The following SLIT2 variants were observed in gnomAD, a reference collection of about 807,000 sequenced individuals.
SLIT2 encodes the protein slit guidance ligand 2.
Under a neutral mutation model 185.7 loss-of-function variants are expected in SLIT2, and 41 were observed. The ratio of observed to expected loss-of-function variants is 0.22; its 90% CI spans 0.17 to 0.29. The LOEUF (loss-of-function observed/expected upper bound fraction) is 0.29. Ranked by LOEUF, SLIT2 falls within the 10% of genes least tolerant of loss-of-function variation. The probability of loss-of-function intolerance (pLI) is 1.00; values close to 1 mark genes in which losing one functional copy is unlikely to be tolerated. For synonymous variants in SLIT2, 693 were observed against 680.2 expected (o/e 1.02, Z -0.29); for missense variants, 1,571 against 1,909.0 (o/e 0.82, Z 3.30).
intron 9 of SLIT2, among the ~76,000 whole-genome samples, chr4:20,507,957 T>G (rs994993142): frequency 1.3e-5 from 2 of 151,994 alleles, no homozygotes; most frequent in Non-Finnish European, 2.9e-5. Context: ...AGCTTAAAAT[T>G]TTACTATAAG....
chr4:20,265,957 A>G (rs1025685213), intron 3 of SLIT2, among the ~76,000 whole-genome samples: 2 of 151,914 alleles, frequency 1.3e-5, no homozygotes, highest in African/African-American at 2.4e-5. Flanking sequence ...TTCAGGCCCT[A>G]GCTTTATGTC....
chr4:20,479,318 C>A (rs1179948616), intron 5 of SLIT2, among the ~76,000 whole-genome samples: 1 of 152,106 alleles, frequency 6.6e-6, no homozygotes, highest in Non-Finnish European at 1.5e-5. Context: ...CACCTTTATT[C>A]AGTAGTCTTG....
intron 4 of SLIT2, among the ~76,000 whole-genome samples, chr4:20,403,405 C>A (rs577471238): frequency 3.3e-5 from 5 of 151,838 alleles, no homozygotes; most frequent in Non-Finnish European, 7.4e-5. Context: ...CTTTTTTGAA[C>A]CTCCGTTGCT....
intron 4 of SLIT2, among the ~76,000 whole-genome samples, chr4:20,364,880 G>A (rs1179528563): frequency 6.6e-6 from 1 of 151,996 alleles, no homozygotes; most frequent in Non-Finnish European, 1.5e-5. Context: ...ATTTTTGAAG[G>A]CTCTTTTTAC....
intron 4 of SLIT2, among the ~76,000 whole-genome samples, chr4:20,391,734 T>C (rs182074506): frequency 4.2e-4 from 64 of 152,232 alleles, no homozygotes; most frequent in African/African-American, 1.4e-3. Context: ...ACTTGACTTA[T>C]GTTGTCAGAA....
At chr4:20,472,248 A>ATATATATC (rs1450139711) in intron 5 of SLIT2, among the ~76,000 whole-genome samples, 1 of 38,704 alleles carries the variant, frequency 2.6e-5, no homozygotes, top group Non-Finnish European at 4.6e-5. Flanking sequence ...CTATATATCT[A>ATATATATC]TATATAGATC....
At chr4:20,456,807 A>C (rs1460001140) in intron 4 of SLIT2, among the ~76,000 whole-genome samples, 2 of 152,120 alleles carry the variant, frequency 1.3e-5, no homozygotes, top group South Asian at 2.1e-4. Context: ...ATCAGCCAAG[A>C]CTGAGACTGA....
At chr4:20,491,729 A>G (rs1717796300) in intron 8 of SLIT2, 32 bp from the exon 9 acceptor site, 1 of 1,594,088 alleles carries the variant, frequency 6.3e-7, no homozygotes, top group African/African-American at 1.4e-5. Context: ...ATTCAGGAGG[A>G]AAAATATAAT....
chr4:20,595,811 G>T lies in SLIT2; in HGVS notation c.3297G>T (p.Thr1099=). The change falls in exon 31 of 37, where the codon ACG becomes ACT. Residue 1099 remains threonine, a synonymous_variant. Transcript: ENST00000504154. ...AHCTDAVNGY[T]CICPEGYSGL... is the part of the protein sequence containing the mutation. ...GCACAGATGCAGTGAACGGCTATAC[G>T]TGCATATGCCCCGAAGGTTACAGGT... 1.2e-6 allele frequency: 2 copies of T among 1,614,006 alleles called. No individual in the cohort carries two copies. The highest frequency in any genetic ancestry group is 1.7e-6 in the Non-Finnish European group (2 of 1,179,936).
At chr4:20,337,747 G>A (rs867286092) in intron 4 of SLIT2, among the ~76,000 whole-genome samples, 11 of 152,254 alleles carry the variant, frequency 7.2e-5, no homozygotes, top group Admixed American at 1.3e-4. Context: ...TACATACTGA[G>A]TAAGAAGCAC....
chr4:20,612,302 GC>G (rs1173001321), intron 34 of SLIT2, among the ~76,000 whole-genome samples: 2 of 127,850 alleles, frequency 1.6e-5, no homozygotes, highest in Non-Finnish European at 3.3e-5. Context: ...ACATTCCCCC[GC>G]CCCCCGCCAA....
intron 4 of SLIT2, among the ~76,000 whole-genome samples, chr4:20,402,268 A>T (rs1323737051): frequency 6.6e-6 from 1 of 151,934 alleles, no homozygotes; most frequent in East Asian, 1.9e-4. Flanking sequence ...ACTATTTTTC[A>T]GTTGTTTTCA....
At position 20,620,283 on chromosome 4, in the gene SLIT2, C is replaced by T. The variant is rs954010864; in HGVS notation, c.*1274C>T. 6 of 357,822 alleles carry T rather than the reference C, an allele frequency of 1.7e-5. No homozygotes were observed. The highest frequency in any genetic ancestry group is 2.2e-5 in the Non-Finnish European group (4 of 185,056). 22.2% of individuals were successfully genotyped at this position (357,822 alleles called of 1,614,324 possible). On this transcript the variant is annotated 3_prime_UTR_variant, in exon 37 of 37. Transcript: ENST00000504154. ...CAAGAACTGTGACTTTTCTTTCCCT[C>T]AAACAATAAAACTCCTTTATTATCT... is the stretch of plus-strand genomic sequence containing the variant.
At chr4:20,480,860 C>A in intron 6 of SLIT2, 73 bp downstream of exon 6, 2 of 1,071,860 alleles carry the variant, frequency 1.9e-6, no homozygotes, top group Non-Finnish European at 2.9e-6. Flanking sequence ...GGAAGCTTAT[C>A]TGCTAGCTTA....
At chr4:20,443,244 T>C (rs1729908040) in intron 4 of SLIT2, among the ~76,000 whole-genome samples, 1 of 152,182 alleles carries the variant, frequency 6.6e-6, no homozygotes, top group South Asian at 2.1e-4. Context: ...ATAAAAAGGC[T>C]ACTGGAATTT....
At chr4:20,427,188 C>T (rs1029275380) in intron 4 of SLIT2, among the ~76,000 whole-genome samples, 4 of 152,106 alleles carry the variant, frequency 2.6e-5, no homozygotes, top group Admixed American at 2.0e-4. Context: ...GGTTGTGATC[C>T]GGCCTGAACC....
At chr4:20,444,639 C>A (rs1431936690) in intron 4 of SLIT2, among the ~76,000 whole-genome samples, 1 of 152,176 alleles carries the variant, frequency 6.6e-6, no homozygotes, top group Non-Finnish European at 1.5e-5. Flanking sequence ...TAGCCCAGTG[C>A]AGTATCGGTG....
chr4:20,511,052 A>G lies in SLIT2; in HGVS notation c.987-14A>G, dbSNP rs760547482. 4 of 1,548,568 alleles carry G rather than the reference A, an allele frequency of 2.6e-6. No homozygotes were observed. Among genetic ancestry groups the G allele is most frequent in the Non-Finnish European group, 3.6e-6 (4 of 1,121,400 alleles). ...ATTTGATTGAATGTAACCTAACCCT[A>G]TTTCTAATCTTAGTGACCTGAGCAA... On this transcript the variant is annotated splice_polypyrimidine_tract_variant and intron_variant, in intron 10 of 36. Coordinates refer to ENST00000504154, the MANE Select transcript of SLIT2 (RefSeq NM_004787.4).
chr4:20,539,101 G>A (rs772375006), intron 18 of SLIT2, among the ~76,000 whole-genome samples: 11 of 152,076 alleles, frequency 7.2e-5, no homozygotes, highest in East Asian at 1.9e-4. Context: ...ACAGGGCTCC[G>A]AGGACTCAGA....
Sources: allele counts gnomAD v4.1 joint callset (sites outside exome capture counted in the v4.1 genomes callset), GRCh38; gene constraint gnomAD v4.1.1; transcripts MANE v1.5; gene names NCBI Gene and HGNC (gene_info 2026-07-23, HGNC 2026-07-21).